RANBP17: variants seen among roughly 807,000 people sequenced by gnomAD.
RANBP17 encodes the protein RAN binding protein 17.
Under a neutral mutation model 141.2 loss-of-function variants are expected in RANBP17, and 158 were observed. The ratio of observed to expected loss-of-function variants is 1.12; its 90% CI spans 0.98 to 1.28. RANBP17 has a LOEUF of 1.28. Ranked by LOEUF, RANBP17 falls within the 50% of genes most tolerant of loss-of-function variation. The probability of loss-of-function intolerance (pLI) is 0.00; values close to 1 mark genes in which losing one functional copy is unlikely to be tolerated. For missense variants in RANBP17, 1,438 were observed against 1,290.7 expected, an observed-to-expected ratio of 1.11 and a Z score of -1.75; for synonymous variants, 430 against 450.0, an observed-to-expected ratio of 0.96 and a Z score of 0.56.
chr5:170,939,143 C>T (rs532472121), intron 12 of RANBP17, among the ~76,000 whole-genome samples: 4 of 152,084 alleles, frequency 2.6e-5, no homozygotes, highest in Admixed American at 6.6e-5. Flanking sequence ...GCAAAAATAA[C>T]TGCCAGGCTG....
At chr5:170,954,350 A>G (rs1033916907) in intron 13 of RANBP17, among the ~76,000 whole-genome samples, 6 of 152,204 alleles carry the variant, frequency 3.9e-5, no homozygotes, top group Non-Finnish European at 7.3e-5. Context: ...ATTAACGTGT[A>G]TGGGTGTATG....
rs571673620 is a variant in RANBP17, at chr5:171,278,958, G to A, written c.2943+13111G>A. Among the ~76,000 whole-genome samples the A allele has an allele frequency of 9.2e-5, 14 of 152,272 alleles. No homozygotes were observed. The East Asian group carries it at 1.9e-3, about 21-fold the overall frequency. ...TACCACTTTTTTGTGTCCTTGAGGG[G>A]AAAATATCCCTGCTATTTATACTAT... On this transcript the variant is annotated intron_variant, in intron 25 of 27. Transcript: ENST00000523189.
chr5:171,190,030 G>T (rs1761523000), intron 18 of RANBP17, among the ~76,000 whole-genome samples: 1 of 152,000 alleles, frequency 6.6e-6, no homozygotes, highest in Non-Finnish European at 1.5e-5. Context: ...GTGGGAGTGG[G>T]GATAAGAATC....
At chr5:171,066,261 C>A (rs1403412912) in intron 14 of RANBP17, among the ~76,000 whole-genome samples, 1 of 152,136 alleles carries the variant, frequency 6.6e-6, no homozygotes, top group Non-Finnish European at 1.5e-5. Context: ...CAATAGTCTT[C>A]TTGAACTTAT....
chr5:170,949,018 G>GTCAA (rs1306808212), intron 12 of RANBP17, among the ~76,000 whole-genome samples: 1 of 152,070 alleles, frequency 6.6e-6, no homozygotes, highest in Admixed American at 6.6e-5. Flanking sequence ...AGGTAGCTAT[G>GTCAA]TTGATGTGGG....
chr5:171,154,106 T>G lies in RANBP17; in HGVS notation c.1711-16024T>G, dbSNP rs1228441602. ...AATAACAGTTCACTTTAGTTTTTTT[T>G]TTTTTTTTTTTTTAACCAAATTAAG... On this transcript the variant is annotated intron_variant, in intron 14 of 27. Coordinates refer to ENST00000523189, the MANE Select transcript of RANBP17 (RefSeq NM_022897.5). Among the ~76,000 whole-genome samples the G allele has an allele frequency of 2.7e-5, 4 of 150,380 alleles. No homozygotes were observed. In the South Asian group the frequency reaches 8.3e-4, roughly 31 times the overall value.
intron 5 of RANBP17, among the ~76,000 whole-genome samples, chr5:170,898,818 T>C (rs1770364834): frequency 6.6e-6 from 1 of 152,184 alleles, no homozygotes; most frequent in South Asian, 2.1e-4. Flanking sequence ...TTGTCAAAAA[T>C]CAGATGGTTG....
chr5:171,274,835 A>G (rs898832591), intron 25 of RANBP17, among the ~76,000 whole-genome samples: 3 of 152,216 alleles, frequency 2.0e-5, no homozygotes, highest in Non-Finnish European at 4.4e-5. Context: ...TGGAAATGCT[A>G]AGAGAAGATT....
chr5:170,966,903 GACAA>G (rs1485460416), intron 13 of RANBP17, among the ~76,000 whole-genome samples: 13 of 152,076 alleles, frequency 8.5e-5, no homozygotes, highest in African/African-American at 3.1e-4. Flanking sequence ...ACCAATAACA[GACAA>G]ACAGAGATCC....
In RANBP17 at chr5:171,175,698, A is replaced by G. The variant is rs528688145; in HGVS notation, c.1865+4412A>G. 7.2e-5 allele frequency among the ~76,000 whole-genome samples: 11 copies of G among 152,318 alleles called. No homozygotes were observed. The South Asian group carries it at 2.3e-3, about 32-fold the overall frequency. On this transcript the variant is annotated intron_variant, in intron 16 of 27. Transcript: ENST00000523189. ...GAAAAAAAGCTCATCATCACTGGTC[A>G]TTAGAGAAATGCAAATCAGAACCAC...
chr5:171,007,057 G>T (rs1328211880), intron 14 of RANBP17, among the ~76,000 whole-genome samples: 1 of 152,126 alleles, frequency 6.6e-6, no homozygotes, highest in African/African-American at 2.4e-5. Flanking sequence ...GGTTATCAGT[G>T]TGAGATTGGG....
At chr5:170,929,376 C>T (rs758086704) in intron 12 of RANBP17, among the ~76,000 whole-genome samples, 1 of 152,030 alleles carries the variant, frequency 6.6e-6, no homozygotes, top group African/African-American at 2.4e-5. Flanking sequence ...TGTTTGAAGA[C>T]GTTCATGAGT....
intron 7 of RANBP17, among the ~76,000 whole-genome samples, chr5:170,913,544 A>G (rs942687263): frequency 2.0e-5 from 3 of 152,112 alleles, no homozygotes; most frequent in Non-Finnish European, 1.5e-5. Flanking sequence ...TATTATTTAC[A>G]TAGTCATAAT....
In RANBP17 at chr5:171,254,655, G is replaced by A. The variant is rs1367288053; in HGVS notation, c.2777-11026G>A. Reference sequence around the variant, plus strand: ...GAAGTAATATATGTACATAATATATGTAAACCATTGCAGTTTTTTTGGACA... The same window carrying A: ...GAAGTAATATATGTACATAATATATATAAACCATTGCAGTTTTTTTGGACA... On this transcript the variant is annotated intron_variant, in intron 24 of 27. Transcript: ENST00000523189. Among the ~76,000 whole-genome samples, 11 of 152,266 alleles carry A rather than the reference G, an allele frequency of 7.2e-5. No individual in the cohort carries two copies. In the South Asian group the frequency reaches 2.1e-3, roughly 29 times the overall value.
chr5:171,062,712 T>G lies in RANBP17; in HGVS notation c.1710+94335T>G, dbSNP rs1003050649. On this transcript the variant is annotated intron_variant, in intron 14 of 27. Coordinates refer to ENST00000523189, the MANE Select transcript of RANBP17 (RefSeq NM_022897.5). ...CTGAATCTGAATGTTGGCCTGCCTT[T>G]CTAGATTGGGGAAGTTCTCCTGGAT... 5.7e-3 allele frequency among the ~76,000 whole-genome samples: 843 copies of G among 148,946 alleles called. 9 individuals are homozygous for G. Among genetic ancestry groups the G allele is most frequent in the African/African-American group, 0.02 (805 of 40,570 alleles).
chr5:171,077,140 C>T (rs1298470677), intron 14 of RANBP17, among the ~76,000 whole-genome samples: 3 of 152,038 alleles, frequency 2.0e-5, no homozygotes, highest in African/African-American at 4.8e-5. Flanking sequence ...AAGATAGAGA[C>T]CATCCTGGCA....
chr5:171,122,996 A>G (rs1756153491), intron 14 of RANBP17, among the ~76,000 whole-genome samples: 1 of 152,142 alleles, frequency 6.6e-6, no homozygotes, highest in South Asian at 2.1e-4. Context: ...CCTCTGCACC[A>G]TATGAAACAG....
At chr5:171,099,679 C>T (rs1217060081) in intron 14 of RANBP17, among the ~76,000 whole-genome samples, 6 of 152,196 alleles carry the variant, frequency 3.9e-5, no homozygotes, top group East Asian at 1.9e-4. Context: ...TTTTCTTGTG[C>T]CAGTTTTCAA....
intron 9 of RANBP17, among the ~76,000 whole-genome samples, chr5:170,917,980 C>A (rs1172620264): frequency 6.6e-6 from 1 of 152,054 alleles, no homozygotes; most frequent in Admixed American, 6.6e-5. Flanking sequence ...TAGAGACTTT[C>A]AGTTTTACAA....
Sources: gnomAD v4.1 joint callset for allele counts (sites outside exome capture counted in the v4.1 genomes callset) on GRCh38, gnomAD v4.1.1 for gene constraint, MANE v1.5 for transcripts, NCBI Gene and HGNC (gene_info 2026-07-23, HGNC 2026-07-21) for gene names.